The following TGFA variants were observed in gnomAD, a reference collection of about 807,000 sequenced individuals.
The protein encoded by TGFA is transforming growth factor alpha.
TGFA carries 12 observed loss-of-function variants against 21.7 expected under a neutral mutation model. That is an observed-to-expected ratio of 0.55 (90% CI 0.35 to 0.90). The LOEUF is 0.90. TGFA is among the 40% of genes least tolerant of loss of function. The pLI is 0.01. For synonymous variants in TGFA, 79 were observed against 88.1 expected, an observed-to-expected ratio of 0.90 and a Z score of 0.58; for missense variants, 178 against 210.8, an observed-to-expected ratio of 0.84 and a Z score of 0.96.
At chr2:70,551,891 G>A (rs1673522348) in intron 1 of TGFA, among the ~76,000 whole-genome samples, 1 of 152,134 alleles carries the variant, frequency 6.6e-6, no homozygotes, top group South Asian at 2.1e-4. Flanking sequence ...GTCTTTGTGG[G>A]CGAGAATTCT....
At chr2:70,494,231 C>T (rs1435697105) in intron 2 of TGFA, among the ~76,000 whole-genome samples, 1 of 152,102 alleles carries the variant, frequency 6.6e-6, no homozygotes, top group Non-Finnish European at 1.5e-5. Flanking sequence ...TATACTGGGC[C>T]CACTCAGATA....
At chr2:70,553,302 C>T in intron 1 of TGFA, 1 of 1,529,628 alleles carries the variant, frequency 6.5e-7, no homozygotes, top group Non-Finnish European at 8.7e-7. Context: ...CAGGCAAGAC[C>T]CGGCCAGAGG....
At chr2:70,494,999 C>A (rs1258602801) in intron 2 of TGFA, among the ~76,000 whole-genome samples, 1 of 152,190 alleles carries the variant, frequency 6.6e-6, no homozygotes, top group African/African-American at 2.4e-5. Flanking sequence ...TTTCAATGCT[C>A]TGATTAGACC....
chr2:70,457,122 G>T (rs782767280), intron 3 of TGFA, among the ~76,000 whole-genome samples: 2 of 152,160 alleles, frequency 1.3e-5, no homozygotes, highest in South Asian at 4.1e-4. Flanking sequence ...CTGAATGTGC[G>T]TGTAGCCTGT....
chr2:70,526,493 A>G (rs1282616936), intron 1 of TGFA, among the ~76,000 whole-genome samples: 1 of 152,222 alleles, frequency 6.6e-6, no homozygotes, highest in African/African-American at 2.4e-5. Context: ...TTAATGCCCC[A>G]AATGCACTTA....
chr2:70,524,671 T>C (rs1553502755), intron 1 of TGFA, among the ~76,000 whole-genome samples: 1 of 152,132 alleles, frequency 6.6e-6, no homozygotes, highest in African/African-American at 2.4e-5. Context: ...CTGGAAAGGG[T>C]TACACTTGAT....
chr2:70,529,796 G>A (rs1485179587), intron 1 of TGFA, among the ~76,000 whole-genome samples: 3 of 152,208 alleles, frequency 2.0e-5, no homozygotes, highest in Non-Finnish European at 4.4e-5. Context: ...GACACTCAGG[G>A]TCCTGGGGAC....
At chr2:70,480,739 G>A (rs1671089704) in intron 2 of TGFA, among the ~76,000 whole-genome samples, 1 of 152,096 alleles carries the variant, frequency 6.6e-6, no homozygotes, top group South Asian at 2.1e-4. Flanking sequence ...ATTTTTGCAT[G>A]CTCAAAGAGT....
intron 2 of TGFA, among the ~76,000 whole-genome samples, chr2:70,469,994 G>T (rs1191621270): frequency 6.6e-6 from 1 of 152,094 alleles, no homozygotes; most frequent in Non-Finnish European, 1.5e-5. Context: ...ATAAAAATAG[G>T]TACCATAAAA....
chr2:70,503,882 G>C (rs527336292), intron 2 of TGFA, among the ~76,000 whole-genome samples: 4 of 152,342 alleles, frequency 2.6e-5, no homozygotes, highest in African/African-American at 9.6e-5. Flanking sequence ...AAGCTAAGGA[G>C]AGGGAAGACT....
intron 2 of TGFA, chr2:70,467,576 T>C (rs1448043098): frequency 1.3e-5 from 2 of 152,222 alleles, no homozygotes; most frequent in Non-Finnish European, 2.9e-5. Context: ...TCCATCGATA[T>C]AGTCTCCACT....
intron 1 of TGFA, among the ~76,000 whole-genome samples, chr2:70,530,960 C>T (rs1553503660): frequency 6.6e-6 from 1 of 152,216 alleles, no homozygotes. Context: ...CTCCACTTTC[C>T]TTTATATCTC....
chr2:70,479,071 G>A (rs1559110798), intron 2 of TGFA, among the ~76,000 whole-genome samples: 1 of 151,932 alleles, frequency 6.6e-6, no homozygotes, highest in Non-Finnish European at 1.5e-5. Context: ...TTATATTTCA[G>A]TAATTAATTT....
rs1669956718 is a variant in TGFA, at chr2:70,448,614, C to G, written c.*2245G>C. 1 of 152,202 alleles carries G rather than the reference C, an allele frequency of 6.6e-6. No homozygotes were observed. The highest frequency in any genetic ancestry group is 1.5e-5 in the Non-Finnish European group (1 of 68,038). The allele number at this position is 152,202 out of a possible 1,614,324, so 9.4% of individuals were successfully genotyped here. A position where few individuals can be genotyped will look rare whatever the true frequency, so the allele number is the denominator to read the frequency against. ...GTCATTTGATTTCTAGAAGAAAAATCCCCAAATAAGCCAGGCTGTTCTATC... is the reference window on the plus strand; with the variant it reads ...GTCATTTGATTTCTAGAAGAAAAATGCCCAAATAAGCCAGGCTGTTCTATC... On this transcript the variant is annotated 3_prime_UTR_variant, in exon 6 of 6. Coordinates refer to ENST00000295400, the MANE Select transcript of TGFA (RefSeq NM_003236.4).
intron 1 of TGFA, among the ~76,000 whole-genome samples, chr2:70,547,373 T>C (rs1673337923): frequency 6.6e-6 from 1 of 151,844 alleles, no homozygotes; most frequent in South Asian, 2.1e-4. Flanking sequence ...GCGGGCAGAT[T>C]GCCTGAGGTC....
At chr2:70,491,082 C>T (rs1671419578) in intron 2 of TGFA, among the ~76,000 whole-genome samples, 2 of 152,196 alleles carry the variant, frequency 1.3e-5, no homozygotes, top group South Asian at 2.1e-4. Context: ...AGAGTTCACC[C>T]ACCCACCTAC....
In TGFA at chr2:70,511,187, G is replaced by A. The variant is rs546994654; in HGVS notation, c.94+3672C>T. On this transcript the variant is annotated intron_variant, in intron 2 of 5. Coordinates refer to ENST00000295400, the MANE Select transcript of TGFA (RefSeq NM_003236.4). The stretch of plus-strand genomic sequence containing the variant: ...ATGTATCAAAACCTATCTTGCATCC[G>A]TTATTATTTCTCATTCCCATCAACT... Among the ~76,000 whole-genome samples, 5 of 152,242 alleles carry A rather than the reference G, an allele frequency of 3.3e-5. No homozygotes were observed. In the South Asian group the frequency reaches 8.3e-4, roughly 25 times the overall value.
intron 1 of TGFA, among the ~76,000 whole-genome samples, chr2:70,542,107 A>G (rs559100006): frequency 3.3e-5 from 5 of 152,310 alleles, no homozygotes; most frequent in South Asian, 2.1e-4. Flanking sequence ...GGCTGCTGCC[A>G]TGGCGGAAGT....
chr2:70,492,887 TTTAG>T, intron 2 of TGFA, among the ~76,000 whole-genome samples: 1 of 152,192 alleles, frequency 6.6e-6, no homozygotes, highest in Non-Finnish European at 1.5e-5. Context: ...AAACTTTACA[TTTAG>T]TTAGAATGCT....
Sources: allele counts gnomAD v4.1 joint callset (sites outside exome capture counted in the v4.1 genomes callset), GRCh38; gene constraint gnomAD v4.1.1; transcripts MANE v1.5; gene names NCBI Gene and HGNC (gene_info 2026-07-23, HGNC 2026-07-21).